Variants in TMEM132B observed in about 807,000 individuals in gnomAD.
TMEM132B encodes transmembrane protein 132B.
In TMEM132B, 18 loss-of-function variants were observed where a neutral mutation model predicts 90.8. That is an observed-to-expected ratio of 0.20 (90% CI 0.14 to 0.29). The LOEUF is 0.29. Ranked by LOEUF, TMEM132B falls within the 10% of genes least tolerant of loss-of-function variation. The pLI is 1.00. For synonymous variants in TMEM132B, 504 were observed against 523.3 expected (o/e 0.96, Z 0.50); for missense variants, 1,096 against 1,326.8 (o/e 0.83, Z 2.70).
intron 1 of TMEM132B, among the ~76,000 whole-genome samples, chr12:125,339,751 G>A (rs1348961549): frequency 6.6e-6 from 1 of 152,102 alleles, no homozygotes; most frequent in Non-Finnish European, 1.5e-5. Context: ...CGCAGTGCAA[G>A]AAGACAGAGG....
At chr12:125,469,309 A>C (rs1300948921) in intron 3 of TMEM132B, among the ~76,000 whole-genome samples, 1 of 152,034 alleles carries the variant, frequency 6.6e-6, no homozygotes, top group Non-Finnish European at 1.5e-5. Context: ...TAACCAAAAC[A>C]CTCTTTACAA....
chr12:125,610,496 G>T (rs922616759), intron 5 of TMEM132B, among the ~76,000 whole-genome samples: 1 of 152,022 alleles, frequency 6.6e-6, no homozygotes, highest in African/African-American at 2.4e-5. Context: ...TGTGTCCATT[G>T]AGTTGATCAT....
chr12:125,519,628 G>GAGGA lies in TMEM132B; in HGVS notation c.1293+5_1293+8dup, dbSNP rs766745596. 1.9e-6 allele frequency: 3 copies of GAGGA among 1,613,822 alleles called. No individual in the cohort carries two copies. The East Asian group carries it at 6.7e-5, about 36-fold the overall frequency. On this transcript the variant is annotated splice_donor_region_variant and intron_variant, in intron 4 of 8. Transcript: ENST00000682704. ...TGGGCATCGTCCCTCTTGCCATGGT[G>GAGGA]AGGAATCTGGGGGTTTCAGAGGAAG...
chr12:125,515,035 G>A (rs550087972), intron 3 of TMEM132B, among the ~76,000 whole-genome samples: 3 of 152,280 alleles, frequency 2.0e-5, no homozygotes, highest in South Asian at 4.1e-4. Flanking sequence ...CTTCTGGGAG[G>A]CAAGTCCTTT....
chr12:125,496,427 G>T (rs1393223373), intron 3 of TMEM132B, among the ~76,000 whole-genome samples: 1 of 152,074 alleles, frequency 6.6e-6, no homozygotes, highest in African/African-American at 2.4e-5. Flanking sequence ...AAATTATGAG[G>T]CAAGTAAAAT....
chr12:125,656,350 G>A lies in TMEM132B; in HGVS notation c.*1640G>A, dbSNP rs562685128. The A allele has an allele frequency of 6.6e-6, 1 of 152,286 alleles. No individual in the cohort carries two copies. Among genetic ancestry groups the A allele is most frequent in the Non-Finnish European group, 1.5e-5 (1 of 68,024 alleles). 9.4% of individuals were successfully genotyped at this position (152,286 alleles called of 1,614,324 possible). A position where few individuals can be genotyped will look rare whatever the true frequency, so the allele number is the denominator to read the frequency against. ...ATGGCTGATAACTGAGCTAATCCAAGGAGAGGCGTTCAGTTGTTCTCTTAT... is the reference window on the plus strand; with the variant it reads ...ATGGCTGATAACTGAGCTAATCCAAAGAGAGGCGTTCAGTTGTTCTCTTAT... On this transcript the variant is annotated 3_prime_UTR_variant, in exon 9 of 9. Transcript: ENST00000682704.
chr12:125,542,295 T>C (rs1014679419), intron 4 of TMEM132B, among the ~76,000 whole-genome samples: 3 of 152,184 alleles, frequency 2.0e-5, no homozygotes, highest in Non-Finnish European at 4.4e-5. Flanking sequence ...GAAAATAATG[T>C]CTTTAGATGG....
chr12:125,415,400 A>T lies in TMEM132B; in HGVS notation c.960-131A>T. 8.4e-7 allele frequency: 1 copy of T among 1,189,154 alleles called. No homozygotes were observed. The highest frequency in any genetic ancestry group is 1.2e-6 in the Non-Finnish European group (1 of 863,774). The allele number at this position is 1,189,154 out of a possible 1,614,324, so 73.7% of individuals were successfully genotyped here. A position where few individuals can be genotyped will look rare whatever the true frequency, so the allele number is the denominator to read the frequency against. ...AAGCCACTTGCCACCACTCTCCCCC[A>T]CATCTCCCAGAGGAAGGGGGCGATG... On this transcript the variant is annotated intron_variant, in intron 2 of 8. Coordinates refer to ENST00000682704, the MANE Select transcript of TMEM132B (RefSeq NM_001366854.1). This position sits in a 1 kb window ranked among gnomAD's most constrained non-coding sequence, Gnocchi z 5.3.
chr12:125,576,600 C>T (rs1379886515), intron 4 of TMEM132B, among the ~76,000 whole-genome samples: 1 of 151,764 alleles, frequency 6.6e-6, no homozygotes, highest in Non-Finnish European at 1.5e-5. Flanking sequence ...GCTGTATGTT[C>T]TCCATAGATG....
chr12:125,397,634 A>T (rs973122959), intron 2 of TMEM132B, among the ~76,000 whole-genome samples: 1 of 152,174 alleles, frequency 6.6e-6, no homozygotes, highest in East Asian at 1.9e-4. Context: ...TGTGAGAGAG[A>T]TGCACATTGT....
intron 5 of TMEM132B, among the ~76,000 whole-genome samples, chr12:125,636,336 A>AG (rs34731966): frequency 0.56 from 85,727 of 151,882 alleles, 25,968 homozygotes; most frequent in African/African-American, 0.79. Context: ...AATTTTCCAG[A>AG]GTTATTTTCT....
chr12:125,209,803 C>G lies in TMEM132B; in HGVS notation c.67+22937C>G, dbSNP rs1337417257. 1.3e-5 allele frequency among the ~76,000 whole-genome samples: 2 copies of G among 152,222 alleles called. No individual in the cohort carries two copies. Among genetic ancestry groups the G allele is most frequent in the Non-Finnish European group, 1.5e-5 (1 of 68,046 alleles). On this transcript the variant is annotated intron_variant, in intron 1 of 8. Transcript: ENST00000682704. The surrounding 1 kb of genome is among the most constrained non-coding windows in gnomAD (Gnocchi z 4.4). ...ATGACACCAGTTGTACCGGTATAGT[C>G]TCTCCTTGTGGAACATGAAATTGTT... is the stretch of plus-strand genomic sequence containing the variant.
chr12:125,497,075 C>T, intron 3 of TMEM132B, among the ~76,000 whole-genome samples: 1 of 152,174 alleles, frequency 6.6e-6, no homozygotes, highest in Non-Finnish European at 1.5e-5. Context: ...TATTTCAAAG[C>T]TCCAGGAGAG....
intron 1 of TMEM132B, among the ~76,000 whole-genome samples, chr12:125,227,774 A>C (rs1307053955): frequency 6.6e-6 from 1 of 152,112 alleles, no homozygotes; most frequent in African/African-American, 2.4e-5. Flanking sequence ...CAATGTGGCC[A>C]TCAGAGCTGC....
intron 1 of TMEM132B, among the ~76,000 whole-genome samples, chr12:125,335,216 T>C (rs528434495): frequency 3.3e-5 from 5 of 152,326 alleles, no homozygotes; most frequent in Admixed American, 6.5e-5. Flanking sequence ...ACCTACAGTA[T>C]TGAGAGTAGT....
At chr12:125,617,728 AG>A (rs1376496560) in intron 5 of TMEM132B, among the ~76,000 whole-genome samples, 2 of 152,020 alleles carry the variant, frequency 1.3e-5, no homozygotes, top group Non-Finnish European at 2.9e-5. Flanking sequence ...ACTACTTTCC[AG>A]CTTATCCCTC....
At chr12:125,452,892 A>G (rs1342966425) in intron 3 of TMEM132B, among the ~76,000 whole-genome samples, 1 of 152,144 alleles carries the variant, frequency 6.6e-6, no homozygotes, top group African/African-American at 2.4e-5. Flanking sequence ...ATCAAATATT[A>G]TCTTTAGTTT....
intron 5 of TMEM132B, among the ~76,000 whole-genome samples, chr12:125,629,223 T>C (rs1241590617): frequency 6.6e-6 from 1 of 152,158 alleles, no homozygotes; most frequent in African/African-American, 2.4e-5. Context: ...GCATTTAATC[T>C]GTAGATTGCT....
chr12:125,393,692 G>A (rs2136307159), intron 2 of TMEM132B, among the ~76,000 whole-genome samples: 1 of 152,238 alleles, frequency 6.6e-6, no homozygotes, highest in Middle Eastern at 3.4e-3. Flanking sequence ...GAAGATGGAG[G>A]CGCAGTCAAG....
Sources: allele counts gnomAD v4.1 joint callset (sites outside exome capture counted in the v4.1 genomes callset), GRCh38; gene constraint gnomAD v4.1.1; non-coding constraint Gnocchi (gnomAD v3.1); transcripts MANE v1.5; gene names NCBI Gene and HGNC (gene_info 2026-07-23, HGNC 2026-07-21).